The following GALNT13 variants were observed in gnomAD, a reference collection of about 807,000 sequenced individuals.
GALNT13 encodes polypeptide N-acetylgalactosaminyltransferase 13.
In GALNT13, 28 loss-of-function variants were observed where a neutral mutation model predicts 64.2. The ratio of observed to expected loss-of-function variants is 0.44; its 90% CI spans 0.32 to 0.60. The LOEUF (loss-of-function observed/expected upper bound fraction) is 0.60. Ranked by LOEUF, GALNT13 falls within the 20% of genes least tolerant of loss-of-function variation. The pLI is 0.05. For missense variants in GALNT13, 577 were observed against 669.8 expected (o/e 0.86, Z 1.53); for synonymous variants, 214 against 224.6 (o/e 0.95, Z 0.42).
intron 3 of GALNT13, among the ~76,000 whole-genome samples, chr2:154,097,232 C>T (rs1034709012): frequency 6.6e-6 from 1 of 151,908 alleles, no homozygotes; most frequent in Non-Finnish European, 1.5e-5. Flanking sequence ...AAACAAAGAC[C>T]AGGAACATCT....
chr2:153,369,119 CA>C, the GALNT13 span, among the ~76,000 whole-genome samples: 2 of 151,864 alleles, frequency 1.3e-5, no homozygotes, highest in Non-Finnish European at 2.9e-5. Flanking sequence ...TATTTTGAAA[CA>C]AATGAATGTA....
chr2:154,349,338 C>T (rs1420006950), intron 9 of GALNT13, among the ~76,000 whole-genome samples: 1 of 152,128 alleles, frequency 6.6e-6, no homozygotes, highest in Non-Finnish European at 1.5e-5. Context: ...AAGAAAATTG[C>T]AAGGATCATC....
intron 1 of GALNT13, among the ~76,000 whole-genome samples, chr2:153,891,439 G>A (rs1394961675): frequency 5.9e-5 from 9 of 151,942 alleles, no homozygotes; most frequent in Admixed American, 5.9e-4. Flanking sequence ...AACTCATTTG[G>A]TATTTGAAAT....
chr2:154,438,631 G>T lies in GALNT13; in HGVS notation c.1435G>T (p.Asp479Tyr). 6.2e-7 allele frequency: 1 copy of T among 1,612,612 alleles called. No individual in the cohort carries two copies. The highest frequency in any genetic ancestry group is 1.1e-5 in the South Asian group (1 of 91,002). Reference protein sequence around the residue: ...YTADKEIRTDDLCLDVSRLNG... With the variant: ...YTADKEIRTDYLCLDVSRLNG... ...TGCTGACAAAGAAATCCGAACCGATGACTTGTGCTTGGATGTTTCTAGACT... is the reference window on the plus strand; with the variant it reads ...TGCTGACAAAGAAATCCGAACCGATTACTTGTGCTTGGATGTTTCTAGACT... The change falls in exon 12 of 13, where the codon GAC becomes TAC. Residue 479 changes from aspartate to tyrosine, a missense_variant. Asp to Tyr is a radical substitution (Grantham distance 160, BLOSUM62 -3). Coordinates refer to ENST00000392825, the MANE Select transcript of GALNT13 (RefSeq NM_052917.4).
At position 154,078,658 on chromosome 2, in the gene GALNT13, T is replaced by C. The variant is rs146375501; in HGVS notation, c.143-61679T>C. Among the ~76,000 whole-genome samples, 1,166 of 151,768 alleles carry C rather than the reference T, an allele frequency of 7.7e-3. 11 individuals carry two copies. Among genetic ancestry groups the C allele is most frequent in the Non-Finnish European group, 0.012 (843 of 67,740 alleles). ...GCTTTACATATTACATATGATGAAC[T>C]TTTGAGGATGGGGGTCATAATTTCC... On this transcript the variant is annotated intron_variant, in intron 3 of 12. Coordinates refer to ENST00000392825, the MANE Select transcript of GALNT13 (RefSeq NM_052917.4).
At chr2:153,885,266 C>T (rs1407392715) in intron 1 of GALNT13, among the ~76,000 whole-genome samples, 1 of 151,888 alleles carries the variant, frequency 6.6e-6, no homozygotes, top group African/African-American at 2.4e-5. Context: ...GTGTTCATTG[C>T]CTTCTTAACA....
chr2:153,916,477 G>A (rs555366027), intron 2 of GALNT13, among the ~76,000 whole-genome samples: 2 of 151,568 alleles, frequency 1.3e-5, no homozygotes, highest in South Asian at 2.1e-4. Flanking sequence ...GATTTTTGAG[G>A]CAGGATGGAG....
At chr2:153,621,268 C>T in the GALNT13 span, among the ~76,000 whole-genome samples, 8 of 152,154 alleles carry the variant, frequency 5.3e-5, no homozygotes, top group African/African-American at 1.7e-4. Flanking sequence ...TCTCAAAACA[C>T]CACAGCTATC....
chr2:153,552,575 C>CTT, the GALNT13 span, among the ~76,000 whole-genome samples: 1,672 of 69,186 alleles, frequency 0.024, 49 homozygotes, highest in African/African-American at 0.059. Flanking sequence ...GCTTCTTCTT[C>CTT]TTTTTTTTTT....
chr2:153,666,519 T>C, the GALNT13 span, among the ~76,000 whole-genome samples: 1 of 152,164 alleles, frequency 6.6e-6, no homozygotes, highest in Non-Finnish European at 1.5e-5. Context: ...CAGCAGGTGC[T>C]TAACCTTAAA....
the GALNT13 span, among the ~76,000 whole-genome samples, chr2:153,167,218 A>C: frequency 6.6e-6 from 1 of 152,220 alleles, no homozygotes; most frequent in Admixed American, 6.5e-5. Flanking sequence ...CATTGGCATC[A>C]CATAATATGT....
chr2:153,710,798 T>C, the GALNT13 span, among the ~76,000 whole-genome samples: 1 of 152,134 alleles, frequency 6.6e-6, no homozygotes, highest in Admixed American at 6.6e-5. Context: ...GAATATGTCA[T>C]TGATACTACC....
chr2:154,285,383 T>C (rs1338220159), intron 8 of GALNT13, among the ~76,000 whole-genome samples: 2 of 152,174 alleles, frequency 1.3e-5, no homozygotes, highest in Non-Finnish European at 1.5e-5. Context: ...TTATCCAATT[T>C]GAGTTGATGT....
the GALNT13 span, among the ~76,000 whole-genome samples, chr2:153,837,228 T>C: frequency 1.3e-5 from 2 of 152,180 alleles, no homozygotes; most frequent in Non-Finnish European, 2.9e-5. Flanking sequence ...TACCTCATTG[T>C]GGTTTTGATT....
chr2:153,174,449 C>T, the GALNT13 span, among the ~76,000 whole-genome samples: 1,737 of 150,642 alleles, frequency 0.012, 38 homozygotes, highest in African/African-American at 0.04. Flanking sequence ...TTGGTGATAC[C>T]GCCAAAGCAC....
At chr2:153,248,376 G>C in the GALNT13 span, among the ~76,000 whole-genome samples, 2 of 152,160 alleles carry the variant, frequency 1.3e-5, no homozygotes, top group African/African-American at 4.8e-5. Context: ...GATCAAGTCA[G>C]CTTCATCCCT....
the GALNT13 span, among the ~76,000 whole-genome samples, chr2:153,784,059 A>C: frequency 7.2e-5 from 11 of 152,114 alleles, no homozygotes; most frequent in Non-Finnish European, 1.6e-4. Context: ...ACAGGCAGAG[A>C]TTTTAACAGT....
chr2:154,310,345 G>A (rs534611929), intron 9 of GALNT13, among the ~76,000 whole-genome samples: 1 of 152,220 alleles, frequency 6.6e-6, no homozygotes, highest in Admixed American at 6.5e-5. Flanking sequence ...ACCTACGTCA[G>A]AGGCAAATGA....
chr2:154,047,287 C>T (rs1699340359), intron 3 of GALNT13, among the ~76,000 whole-genome samples: 2 of 152,152 alleles, frequency 1.3e-5, no homozygotes. Context: ...TGCTTGTTCA[C>T]TCGTTGATCT....
Sources: gnomAD v4.1 joint callset for allele counts (sites outside exome capture counted in the v4.1 genomes callset) on GRCh38, gnomAD v4.1.1 for gene constraint, MANE v1.5 for transcripts, NCBI Gene and HGNC (gene_info 2026-07-23, HGNC 2026-07-21) for gene names.